The following ENPP2 variants were observed in gnomAD, a reference collection of about 807,000 sequenced individuals.
ENPP2 encodes ectonucleotide pyrophosphatase/phosphodiesterase 2, also known as autotaxin.
Under a neutral mutation model 120.2 loss-of-function variants are expected in ENPP2, and 51 were observed. The ratio of observed to expected loss-of-function variants is 0.42; its 90% CI spans 0.34 to 0.54. ENPP2 has a LOEUF of 0.54. Among genes scored for constraint, ENPP2 ranks in the 20% least tolerant of loss-of-function variants. The pLI, the probability that ENPP2 is intolerant of heterozygous loss-of-function variation, is 0.04. For synonymous variants in ENPP2, 365 were observed against 366.4 expected, an observed-to-expected ratio of 1.00 and a Z score of 0.04; for missense variants, 920 against 1,066.5, an observed-to-expected ratio of 0.86 and a Z score of 1.91.
At chr8:119,601,533 G>T in intron 9 of ENPP2, 71 bp from the exon 10 acceptor site, 2 of 1,123,450 alleles carry the variant, frequency 1.8e-6, no homozygotes, top group East Asian at 2.4e-5. Flanking sequence ...AGGAGTGCTC[G>T]CTCTTGCACC....
At chr8:119,572,176 C>T in intron 19 of ENPP2, 2 of 1,550,546 alleles carry the variant, frequency 1.3e-6, no homozygotes, top group Non-Finnish European at 8.7e-7. Flanking sequence ...CAAACCAAAC[C>T]TTTTCTAGGT....
chr8:119,623,783 G>A (rs954936370), intron 3 of ENPP2, among the ~76,000 whole-genome samples: 13 of 151,878 alleles, frequency 8.6e-5, no homozygotes, highest in Non-Finnish European at 1.6e-4. Context: ...CTCCCCCCAT[G>A]CCTGGGTAAT....
At chr8:119,560,340 C>T (rs935588355) in intron 24 of ENPP2, among the ~76,000 whole-genome samples, 2 of 152,184 alleles carry the variant, frequency 1.3e-5, no homozygotes, top group African/African-American at 4.8e-5. Flanking sequence ...GGCATTACAT[C>T]CACCTGGGGC....
upstream of ENPP2, among the ~76,000 whole-genome samples, chr8:119,640,014 T>C (rs1373807319): frequency 1.3e-5 from 2 of 152,210 alleles, no homozygotes; most frequent in Non-Finnish European, 2.9e-5. Context: ...AGACTTACCA[T>C]GCAACAAATT....
chr8:119,567,296 G>A (rs1233244545), intron 22 of ENPP2, among the ~76,000 whole-genome samples: 1 of 152,184 alleles, frequency 6.6e-6, no homozygotes, highest in African/African-American at 2.4e-5. Context: ...GGATGAATGA[G>A]GATGGAGACA....
intron 8 of ENPP2, among the ~76,000 whole-genome samples, chr8:119,615,262 A>G (rs552505763): frequency 5.3e-5 from 8 of 152,152 alleles, no homozygotes; most frequent in Non-Finnish European, 8.8e-5. Context: ...GCAGGAAGCC[A>G]CTGTCTCCAA....
In ENPP2 at chr8:119,573,408, T is replaced by TAAAAAAAAAAAAAAAAA. The variant is rs35227070; in HGVS notation, c.1781-2584_1781-2568dup. Among the ~76,000 whole-genome samples, 172 of 124,314 alleles carry TAAAAAAAAAAAAAAAAA rather than the reference T, an allele frequency of 1.4e-3. 2 individuals are homozygous for TAAAAAAAAAAAAAAAAA. Among genetic ancestry groups the TAAAAAAAAAAAAAAAAA allele is most frequent in the Non-Finnish European group, 2.4e-3 (149 of 61,602 alleles). 81.6% of individuals were successfully genotyped at this position (124,314 alleles called of 152,430 possible). On this transcript the variant is annotated intron_variant, in intron 19 of 24. Coordinates refer to ENST00000075322, the MANE Select transcript of ENPP2 (RefSeq NM_001040092.3). ...GGTGACAGAGCGAGGCTCCGTCTCT[T>TAAAAAAAAAAAAAAAAA]AAAAAAAAAAAAAAAAAAGATTCAT...
rs150122828 is a variant in ENPP2, at chr8:119,649,515, A to T, written c.22-10988T>A. ...AAGTGAGATTTGCACACTAACCATT[A>T]GAGAGAATCACTGAGATATATTAAA... On this transcript the variant is annotated intron_variant, in intron 1 of 25. Transcript: ENST00000427067. 5.6e-3 allele frequency among the ~76,000 whole-genome samples: 849 copies of T among 152,342 alleles called. 4 individuals are homozygous for T. The highest frequency in any genetic ancestry group is 0.037 in the Middle Eastern group (11 of 294).
intron 11 of ENPP2, among the ~76,000 whole-genome samples, chr8:119,599,879 C>T (rs778889066): frequency 1.3e-4 from 20 of 151,936 alleles, no homozygotes; most frequent in South Asian, 6.2e-4. Context: ...TGGTGGTGCA[C>T]GCCTGTAATC....
chr8:119,671,316 A>G (rs919799222), intron 1 of ENPP2, among the ~76,000 whole-genome samples: 51 of 152,182 alleles, frequency 3.4e-4, no homozygotes, highest in African/African-American at 1.0e-3. Flanking sequence ...AAAGAAAGAA[A>G]GATCATTTGA....
intron 23 of ENPP2, among the ~76,000 whole-genome samples, chr8:119,564,456 A>T (rs570889943): frequency 1.6e-4 from 24 of 152,094 alleles, no homozygotes; most frequent in African/African-American, 4.3e-4. Context: ...GGAGGGTAGA[A>T]CACTTGAGGT....
chr8:119,581,686 A>G (rs77579200), intron 18 of ENPP2, among the ~76,000 whole-genome samples: 2 of 151,192 alleles, frequency 1.3e-5, no homozygotes, highest in East Asian at 3.9e-4. Flanking sequence ...AATTCCATCC[A>G]CCCTGCTCAG....
chr8:119,585,487 A>G (rs1366912754), intron 15 of ENPP2, among the ~76,000 whole-genome samples: 2 of 152,184 alleles, frequency 1.3e-5, no homozygotes, highest in Admixed American at 6.5e-5. Flanking sequence ...CAGTTGTTCA[A>G]TTATTGAGAT....
chr8:119,590,537 C>A lies in ENPP2; in HGVS notation c.1175G>T (p.Arg392Ile). The change falls in exon 13 of 25, where the codon AGA becomes ATA. Residue 392 changes from arginine (R) to isoleucine (I), a missense_variant. Coordinates refer to ENST00000075322, the MANE Select transcript of ENPP2 (RefSeq NM_001040092.3). ...DITLVPGTLG[R>I]IRSKFSNNAK... ...ATTGTTGCTAAATTTGGATCGAATT[C>A]TTCCTAGAGTTCCAGGCACTAAAGT... The A allele has an allele frequency of 6.3e-7, 1 of 1,597,422 alleles. No individual in the cohort carries two copies. The highest frequency in any genetic ancestry group is 8.5e-7 in the Non-Finnish European group (1 of 1,173,008).
At chr8:119,628,152 C>T (rs982963528) in intron 2 of ENPP2, among the ~76,000 whole-genome samples, 1 of 151,888 alleles carries the variant, frequency 6.6e-6, no homozygotes, top group African/African-American at 2.4e-5. Context: ...TAGTCTGATA[C>T]TAGAAAATAA....
At chr8:119,664,032 G>A (rs1380089049) in intron 1 of ENPP2, among the ~76,000 whole-genome samples, 2 of 152,180 alleles carry the variant, frequency 1.3e-5, no homozygotes, top group Admixed American at 6.5e-5. Context: ...AGTAAACACA[G>A]GAGCATAAAT....
chr8:119,662,721 C>G (rs1215962660), intron 1 of ENPP2, among the ~76,000 whole-genome samples: 1 of 152,196 alleles, frequency 6.6e-6, no homozygotes, highest in Non-Finnish European at 1.5e-5. Context: ...AGGACAATAT[C>G]TGGCCTGCAG....
rs759837458 is a variant in ENPP2 at position 119,563,047 on chromosome 8, A to G, written c.2265-34T>C. The G allele has an allele frequency of 6.3e-6, 10 of 1,595,402 alleles. No homozygotes were observed. In the South Asian group the frequency reaches 1.1e-4, roughly 18 times the overall value. ...GGAAGGTAAAACGAAGTCACAGTTGATGAGTTGATGTTGAAGCTTTCTTTT... is the reference window on the plus strand; with the variant it reads ...GGAAGGTAAAACGAAGTCACAGTTGGTGAGTTGATGTTGAAGCTTTCTTTT... On this transcript the variant is annotated intron_variant, in intron 23 of 24. Transcript: ENST00000075322.
intron 1 of ENPP2, among the ~76,000 whole-genome samples, chr8:119,662,520 G>A (rs1204443022): frequency 6.6e-6 from 1 of 152,158 alleles, no homozygotes. Context: ...AGCAGCAGGT[G>A]TTCAAACAAG....
Sources: allele counts gnomAD v4.1 joint callset (sites outside exome capture counted in the v4.1 genomes callset), GRCh38; gene constraint gnomAD v4.1.1; transcripts MANE v1.5; gene names NCBI Gene and HGNC (gene_info 2026-07-23, HGNC 2026-07-21).